The following GFRA2 variants were observed in gnomAD, a reference collection of about 807,000 sequenced individuals.
The protein encoded by GFRA2 is GDNF family receptor alpha-2.
A neutral mutation model predicts 48.3 loss-of-function variants in GFRA2; 17 were observed. The ratio of observed to expected loss-of-function variants is 0.35; its 90% CI spans 0.24 to 0.53. The LOEUF (loss-of-function observed/expected upper bound fraction) is 0.53, where lower values mean the gene tolerates loss of function less well. Among genes scored for constraint, GFRA2 ranks in the 20% least tolerant of loss-of-function variants. The probability of loss-of-function intolerance (pLI) is 0.93; values close to 1 mark genes in which losing one functional copy is unlikely to be tolerated. For missense variants in GFRA2, 660 were observed against 637.3 expected (o/e 1.04, Z -0.38); for synonymous variants, 305 against 257.2 (o/e 1.19, Z -1.78).
intron 3 of GFRA2, among the ~76,000 whole-genome samples, chr8:21,758,220 C>T (rs1347357218): frequency 6.6e-6 from 1 of 152,086 alleles, no homozygotes; most frequent in Non-Finnish European, 1.5e-5. Flanking sequence ...CACACACACA[C>T]ACACACACCT....
intron 5 of GFRA2, 139 bp downstream of exon 5, chr8:21,705,793 C>A (rs1351763033): frequency 3.3e-6 from 2 of 614,142 alleles, no homozygotes; most frequent in African/African-American, 1.9e-5. Context: ...TTTCCCCTCG[C>A]AGCTCTCTGA....
intron 4 of GFRA2, among the ~76,000 whole-genome samples, chr8:21,732,599 C>T (rs1025144454): frequency 2.6e-5 from 4 of 152,216 alleles, no homozygotes; most frequent in African/African-American, 7.2e-5. Context: ...GGAGGAGGTG[C>T]AAGAGCACAG....
At chr8:21,728,984 C>T (rs1332396957) in intron 4 of GFRA2, among the ~76,000 whole-genome samples, 1 of 152,178 alleles carries the variant, frequency 6.6e-6, no homozygotes, top group African/African-American at 2.4e-5. Context: ...TAGGCCTGTG[C>T]CCGAGTGGCA....
chr8:21,801,578 A>G (rs2117114302), intron 2 of GFRA2, among the ~76,000 whole-genome samples: 1 of 112,884 alleles, frequency 8.9e-6, no homozygotes, highest in South Asian at 3.0e-4. Context: ...GGCCCTTTTG[A>G]GATCAAGTGA....
chr8:21,780,729 T>C (rs1036876331), intron 2 of GFRA2: 3 of 152,330 alleles, frequency 2.0e-5, no homozygotes, highest in Non-Finnish European at 4.4e-5. Flanking sequence ...TCTGCTCAGC[T>C]GCCTAAGACA....
intron 4 of GFRA2, among the ~76,000 whole-genome samples, chr8:21,740,305 G>A (rs558140318): frequency 6.6e-6 from 1 of 152,234 alleles, no homozygotes; most frequent in South Asian, 2.1e-4. Flanking sequence ...TCCACCCAAA[G>A]GGCAAACATC....
intron 2 of GFRA2, among the ~76,000 whole-genome samples, chr8:21,799,287 G>A (rs1009597182): frequency 1.2e-4 from 18 of 151,178 alleles, no homozygotes; most frequent in East Asian, 9.8e-4. Flanking sequence ...GCGCGATCGC[G>A]GCTCACTGTA....
chr8:21,714,980 C>T (rs1443074674), intron 4 of GFRA2, among the ~76,000 whole-genome samples: 1 of 152,188 alleles, frequency 6.6e-6, no homozygotes, highest in Non-Finnish European at 1.5e-5. Flanking sequence ...TCTGGAATGG[C>T]TTTCTAACGT....
intron 3 of GFRA2, among the ~76,000 whole-genome samples, chr8:21,767,939 C>T (rs1447143241): frequency 6.7e-6 from 1 of 149,016 alleles, no homozygotes; most frequent in Non-Finnish European, 1.5e-5. Flanking sequence ...TGACAAGAGC[C>T]TGAGGTCACT....
chr8:21,796,638 C>A (rs889062909), intron 2 of GFRA2, among the ~76,000 whole-genome samples: 1 of 152,302 alleles, frequency 6.6e-6, no homozygotes, highest in Middle Eastern at 3.4e-3. Context: ...GTATGCCTAC[C>A]CTCTCACCTT....
chr8:21,734,736 CA>C (rs1289020221), intron 4 of GFRA2, among the ~76,000 whole-genome samples: 8 of 152,250 alleles, frequency 5.3e-5, no homozygotes, highest in Non-Finnish European at 1.2e-4. Flanking sequence ...TGACACTGGG[CA>C]AATAATTTTA....
intron 4 of GFRA2, among the ~76,000 whole-genome samples, chr8:21,742,104 C>T (rs1804775244): frequency 6.6e-6 from 1 of 152,120 alleles, no homozygotes; most frequent in African/African-American, 2.4e-5. Context: ...GGGGAAGATA[C>T]AGAATGGGAG....
At position 21,731,976 on chromosome 8, in the gene GFRA2, G is replaced by A. The variant is rs1804219134; in HGVS notation, c.794+18612C>T. On this transcript the variant is annotated intron_variant, in intron 4 of 8. Transcript: ENST00000524240. ...TGTGTCACCAAGAAAAGGTGAAGGTGTCTTCCACTATCTCTGTTTAAGGAG... is the reference window on the plus strand; with the variant it reads ...TGTGTCACCAAGAAAAGGTGAAGGTATCTTCCACTATCTCTGTTTAAGGAG... Among the ~76,000 whole-genome samples the A allele has an allele frequency of 2.0e-5, 3 of 152,240 alleles. No homozygotes were observed. The South Asian group carries it at 6.2e-4, about 32-fold the overall frequency.
intron 4 of GFRA2, among the ~76,000 whole-genome samples, chr8:21,746,400 AT>A (rs1805008029): frequency 6.6e-6 from 1 of 152,130 alleles, no homozygotes; most frequent in Non-Finnish European, 1.5e-5. Flanking sequence ...TGAAATTTGC[AT>A]GCAGATGGGT....
intron 3 of GFRA2, among the ~76,000 whole-genome samples, chr8:21,759,464 G>C (rs1351789707): frequency 1.8e-5 from 2 of 109,152 alleles, no homozygotes; most frequent in African/African-American, 8.0e-5. Flanking sequence ...GAGGGAGGGA[G>C]GGAGGGAGGG....
intron 6 of GFRA2, among the ~76,000 whole-genome samples, chr8:21,704,628 C>T (rs1249789785): frequency 2.0e-5 from 3 of 152,110 alleles, no homozygotes; most frequent in East Asian, 1.9e-4. Context: ...AAAAGGAAGT[C>T]GATTCCAGGG....
intron 3 of GFRA2, among the ~76,000 whole-genome samples, chr8:21,774,576 G>C (rs1038983265): frequency 2.6e-5 from 4 of 152,312 alleles, no homozygotes; most frequent in East Asian, 1.9e-4. Flanking sequence ...AGGTCGGTAC[G>C]GTACTCCCCC....
At chr8:21,729,233 G>C (rs1356679528) in intron 4 of GFRA2, among the ~76,000 whole-genome samples, 1 of 152,208 alleles carries the variant, frequency 6.6e-6, no homozygotes, top group East Asian at 1.9e-4. Context: ...GGGAGGCTGA[G>C]GTGGGAGGAT....
intron 4 of GFRA2, among the ~76,000 whole-genome samples, chr8:21,708,139 C>T (rs1802842133): frequency 6.6e-6 from 1 of 152,202 alleles, no homozygotes; most frequent in African/African-American, 2.4e-5. Flanking sequence ...CCTTGAAGGC[C>T]CTTCCAGAGC....
Sources: allele counts gnomAD v4.1 joint callset (sites outside exome capture counted in the v4.1 genomes callset), GRCh38; gene constraint gnomAD v4.1.1; transcripts MANE v1.5; gene names NCBI Gene and HGNC (gene_info 2026-07-23, HGNC 2026-07-21).